The following SMYD3 variants were observed in gnomAD, a reference collection of about 807,000 sequenced individuals.
The protein encoded by SMYD3 is SET and MYND domain containing 3, also known as histone-lysine N-methyltransferase SMYD3.
A neutral mutation model predicts 57.7 loss-of-function variants in SMYD3; 36 were observed. The ratio of observed to expected loss-of-function variants is 0.62; its 90% confidence interval spans 0.48 to 0.82. The LOEUF (loss-of-function observed/expected upper bound fraction) is 0.82. Among genes scored for constraint, SMYD3 ranks in the 40% least tolerant of loss-of-function variants. The probability of loss-of-function intolerance (pLI) is 0.00; values close to 1 mark genes in which losing one functional copy is unlikely to be tolerated. For synonymous variants in SMYD3, 211 were observed against 195.0 expected (o/e 1.08, Z -0.68); for missense variants, 515 against 538.8 (o/e 0.96, Z 0.44).
At chr1:246,419,737 A>T (rs545922082) in intron 1 of SMYD3, among the ~76,000 whole-genome samples, 1 of 152,334 alleles carries the variant, frequency 6.6e-6, no homozygotes, top group East Asian at 1.9e-4. Context: ...CATGGCAGGG[A>T]TCTAAGTTGC....
At chr1:245,893,691 A>G (rs2053542484) in intron 8 of SMYD3, among the ~76,000 whole-genome samples, 1 of 152,192 alleles carries the variant, frequency 6.6e-6, no homozygotes, top group African/African-American at 2.4e-5. Flanking sequence ...GGAGTGGGGT[A>G]TAGACATGGA....
At chr1:246,328,839 A>C (rs1286374798) in intron 4 of SMYD3, among the ~76,000 whole-genome samples, 59 of 131,638 alleles carry the variant, frequency 4.5e-4, no homozygotes, top group South Asian at 7.4e-4. Flanking sequence ...ATCCCTCCCC[A>C]CTCCCCCCAC....
At chr1:246,099,465 C>T (rs2060973622) in intron 5 of SMYD3, among the ~76,000 whole-genome samples, 1 of 152,014 alleles carries the variant, frequency 6.6e-6, no homozygotes, top group Non-Finnish European at 1.5e-5. Flanking sequence ...AGCTTCAAAC[C>T]CAAAAAGGTG....
intron 5 of SMYD3, among the ~76,000 whole-genome samples, chr1:245,951,152 C>T (rs963573904): frequency 6.6e-6 from 1 of 152,068 alleles, no homozygotes; most frequent in Admixed American, 6.5e-5. Context: ...ACTCTTATTA[C>T]CTGCAAACCA....
At chr1:245,968,869 C>CT (rs2058222641) in intron 5 of SMYD3, among the ~76,000 whole-genome samples, 1 of 152,134 alleles carries the variant, frequency 6.6e-6, no homozygotes, top group African/African-American at 2.4e-5. Context: ...TCAGTGGAGG[C>CT]TTAGTTCCCA....
At chr1:246,277,952 T>C (rs1358900822) in intron 5 of SMYD3, among the ~76,000 whole-genome samples, 1 of 152,198 alleles carries the variant, frequency 6.6e-6, no homozygotes, top group Non-Finnish European at 1.5e-5. Flanking sequence ...ATAATCATCG[T>C]ATATTATATT....
At chr1:246,261,046 TTG>T (rs2063999566) in intron 5 of SMYD3, among the ~76,000 whole-genome samples, 2 of 131,522 alleles carry the variant, frequency 1.5e-5, no homozygotes, top group Non-Finnish European at 3.1e-5. Context: ...CTGGGTTTTG[TTG>T]TTGTTGTTGT....
At chr1:245,947,253 G>A (rs1381765035) in intron 5 of SMYD3, 17 of 399,544 alleles carry the variant, frequency 4.3e-5, no homozygotes, top group East Asian at 7.9e-5. Context: ...AAGATAAATC[G>A]GCTACAAAAG....
chr1:245,953,224 A>G, intron 5 of SMYD3: 1 of 999,522 alleles, frequency 1.0e-6, no homozygotes, highest in Non-Finnish European at 1.2e-6. Context: ...AAACAAAGCA[A>G]GATTACCTTT....
chr1:245,921,564 T>C (rs1169395754), intron 7 of SMYD3, among the ~76,000 whole-genome samples: 4 of 148,792 alleles, frequency 2.7e-5, no homozygotes, highest in Non-Finnish European at 4.5e-5. Flanking sequence ...TATATATATA[T>C]ATATATACAC....
chr1:245,803,166 C>A (rs533145741), intron 10 of SMYD3, among the ~76,000 whole-genome samples: 1 of 152,312 alleles, frequency 6.6e-6, no homozygotes, highest in African/African-American at 2.4e-5. Context: ...AAACCTCTGA[C>A]TGTGACATGA....
At chr1:246,498,936 G>A (rs1308897683) in intron 1 of SMYD3, among the ~76,000 whole-genome samples, 1 of 151,204 alleles carries the variant, frequency 6.6e-6, no homozygotes, top group Non-Finnish European at 1.5e-5. Context: ...TTACAAGGGT[G>A]CACACCATCC....
intron 8 of SMYD3, among the ~76,000 whole-genome samples, chr1:245,876,508 G>C (rs2052495741): frequency 6.6e-6 from 1 of 152,230 alleles, no homozygotes; most frequent in Non-Finnish European, 1.5e-5. Context: ...AAGACTTGCT[G>C]CAAGTATTGA....
At chr1:246,036,539 C>CTTTTT (rs59062672) in intron 5 of SMYD3, among the ~76,000 whole-genome samples, 59 of 144,922 alleles carry the variant, frequency 4.1e-4, no homozygotes, top group Non-Finnish European at 4.6e-4. Flanking sequence ...TTCTTTCTCT[C>CTTTTT]TTTTTTTTTT....
intron 5 of SMYD3, among the ~76,000 whole-genome samples, chr1:246,137,295 C>A (rs977564091): frequency 2.0e-5 from 3 of 152,138 alleles, no homozygotes; most frequent in African/African-American, 7.2e-5. Context: ...CCATGGGATT[C>A]ACATGTTTTA....
chr1:246,490,615 A>G (rs1378513607), intron 1 of SMYD3, among the ~76,000 whole-genome samples: 1 of 152,184 alleles, frequency 6.6e-6, no homozygotes, highest in Non-Finnish European at 1.5e-5. Flanking sequence ...GCTCACACCT[A>G]TACTCCCAGC....
chr1:246,167,096 G>C (rs1469580857), intron 5 of SMYD3, among the ~76,000 whole-genome samples: 1 of 152,226 alleles, frequency 6.6e-6, no homozygotes, highest in Non-Finnish European at 1.5e-5. Context: ...GTTCACCCGT[G>C]CTGGAGCATG....
chr1:246,186,731 CTGAATA>C (rs1455594741), intron 5 of SMYD3: 1 of 984,982 alleles, frequency 1.0e-6, no homozygotes, highest in Non-Finnish European at 1.2e-6. Flanking sequence ...AATGATCCCT[CTGAATA>C]CTTACAATAA....
chr1:246,367,150 G>A (rs1472210446), intron 1 of SMYD3, among the ~76,000 whole-genome samples: 5 of 152,202 alleles, frequency 3.3e-5, no homozygotes, highest in East Asian at 1.9e-4. Context: ...AAATTGTAAC[G>A]ATTTTTCTGG....
Sources: gnomAD v4.1 joint callset for allele counts (sites outside exome capture counted in the v4.1 genomes callset) on GRCh38, gnomAD v4.1.1 for gene constraint, MANE v1.5 for transcripts, NCBI Gene and HGNC (gene_info 2026-07-23, HGNC 2026-07-21) for gene names.